Variants in MCM5 observed in about 807,000 individuals in gnomAD.
MCM5 encodes the protein DNA replication licensing factor MCM5.
MCM5 carries 46 observed loss-of-function variants against 79.9 expected under a neutral mutation model. The ratio of observed to expected loss-of-function variants is 0.58; its 90% CI spans 0.45 to 0.74. MCM5 has a LOEUF of 0.74. MCM5 is among the 30% of genes least tolerant of loss of function. MCM5 has a pLI of 0.00. For missense variants in MCM5, 883 were observed against 1,017.0 expected, an observed-to-expected ratio of 0.87 and a Z score of 1.79; for synonymous variants, 404 against 390.5, an observed-to-expected ratio of 1.03 and a Z score of -0.41.
At chr22:35,437,539 C>G in the MCM5 span, among the ~76,000 whole-genome samples, 1 of 152,198 alleles carries the variant, frequency 6.6e-6, no homozygotes, top group Non-Finnish European at 1.5e-5. Context: ...GAAGGCAGTT[C>G]TGCTTTGTGA....
At chr22:35,444,778 C>A in the MCM5 span, among the ~76,000 whole-genome samples, 1 of 152,098 alleles carries the variant, frequency 6.6e-6, no homozygotes, top group Non-Finnish European at 1.5e-5. Context: ...CTTTGGGAGG[C>A]GGAGGTGGGA....
chr22:35,403,255 G>T lies in MCM5; in HGVS notation c.216G>T (p.Val72=). 6.2e-7 allele frequency: 1 copy of T among 1,614,154 alleles called. No individual in the cohort carries two copies. The highest frequency in any genetic ancestry group is 8.5e-7 in the Non-Finnish European group (1 of 1,180,026). The change falls in exon 3 of 17, where the codon GTG becomes GTT. Residue 72 remains valine (V), a synonymous_variant. Transcript: ENST00000216122. ...ACCTGGGGGAGTACTGGATTGAGGT[G>T]GAGATGGAGGATCTGGCCAGCTTTG... ...HYNLGEYWIE[V]EMEDLASFDE...
At chr22:35,433,453 G>C in the MCM5 span, among the ~76,000 whole-genome samples, 1 of 152,182 alleles carries the variant, frequency 6.6e-6, no homozygotes, top group Non-Finnish European at 1.5e-5. Flanking sequence ...TCTGTTAGGG[G>C]CTTCCCCTGG....
At chr22:35,454,429 C>T in the MCM5 span, among the ~76,000 whole-genome samples, 4 of 152,204 alleles carry the variant, frequency 2.6e-5, no homozygotes, top group South Asian at 2.1e-4. Context: ...CTGCAGCAGG[C>T]GGGGGCAGTA....
chr22:35,426,550 C>T (rs956058279), downstream of MCM5, among the ~76,000 whole-genome samples: 4 of 152,178 alleles, frequency 2.6e-5, no homozygotes, highest in African/African-American at 4.8e-5. Flanking sequence ...AGCTACAGGC[C>T]GCGACCCAGC....
chr22:35,423,704 T>A (rs1932750470), intron 16 of MCM5: 1 of 208,964 alleles, frequency 4.8e-6, no homozygotes, highest in Non-Finnish European at 9.5e-6. Context: ...TCTGGCTCAC[T>A]GAGGAGGGTA....
chr22:35,421,260 C>G (rs1932684323), intron 14 of MCM5, 58 bp from the exon 15 acceptor site: 1 of 1,563,306 alleles, frequency 6.4e-7, no homozygotes, highest in African/African-American at 1.3e-5. Flanking sequence ...AACGGGCTGG[C>G]TGGGGAGGAA....
intron 14 of MCM5, 46 bp from the exon 15 acceptor site, chr22:35,421,272 G>C: frequency 1.9e-6 from 3 of 1,586,866 alleles, no homozygotes; most frequent in Non-Finnish European, 2.6e-6. Flanking sequence ...GGGGAGGAAG[G>C]GAATAGCGGA....
chr22:35,405,020 A>ATTTT (rs35626347), intron 4 of MCM5, among the ~76,000 whole-genome samples: 2 of 114,332 alleles, frequency 1.7e-5, no homozygotes, highest in Admixed American at 9.5e-5. Flanking sequence ...CTAGAGGCCA[A>ATTTT]TTTTTTTTTT....
intron 16 of MCM5, 110 bp from the exon 17 acceptor site, chr22:35,424,044 T>G: frequency 1.5e-6 from 1 of 672,966 alleles, no homozygotes; most frequent in Non-Finnish European, 2.6e-6. Flanking sequence ...GTGGGCCCTT[T>G]AGGTCAAAGG....
At chr22:35,448,430 G>A in the MCM5 span, among the ~76,000 whole-genome samples, 1 of 151,972 alleles carries the variant, frequency 6.6e-6, no homozygotes, top group Non-Finnish European at 1.5e-5. Flanking sequence ...AGCAGCTGGA[G>A]TCATCTTCCC....
intron 2 of MCM5, among the ~76,000 whole-genome samples, chr22:35,402,455 T>C (rs1007955442): frequency 6.6e-6 from 1 of 151,718 alleles, no homozygotes; most frequent in African/African-American, 2.4e-5. Flanking sequence ...GTCCCCCAAG[T>C]AGCTAGGATT....
the MCM5 span, among the ~76,000 whole-genome samples, chr22:35,454,108 G>A: frequency 6.6e-6 from 1 of 152,000 alleles, no homozygotes; most frequent in Non-Finnish European, 1.5e-5. Flanking sequence ...AGAGAGAGAC[G>A]GCAGCATGTG....
the MCM5 span, among the ~76,000 whole-genome samples, chr22:35,441,704 A>G: frequency 1.4e-4 from 22 of 152,248 alleles, no homozygotes; most frequent in African/African-American, 5.1e-4. Context: ...TCAGTGGCTT[A>G]TCAGGGAAGG....
Position 35,416,717 on chromosome 22 carries a change from C to T in MCM5, c.1493C>T (p.Thr498Met), listed in dbSNP as rs755722300. The change falls in exon 12 of 17, where the codon ACG becomes ATG. Residue 498 changes from threonine (T) to methionine (M), a missense_variant. Around this residue, in one of 3 missense-constraint regions of MCM5, gnomAD observed 426 missense variants for 482.3 expected, o/e 0.88. Transcript: ENST00000216122. ...TCAGTGTTCGGCCGCTGGGATGAGA[C>T]GAAGGGGGAGGACAACATTGACTTC... Reference protein sequence around the residue: ...ANSVFGRWDETKGEDNIDFMP... With the variant: ...ANSVFGRWDEMKGEDNIDFMP... The T allele has an allele frequency of 5.0e-6, 8 of 1,613,974 alleles. No individual in the cohort carries two copies. The highest frequency in any genetic ancestry group is 1.3e-5 in the African/African-American group (1 of 74,898).
Position 35,412,533 on chromosome 22 carries a change from A to G in MCM5, c.943A>G (p.Ser315Gly). ...GSGRSFAGAV[S>G]PQEEEEFRRL... ...AGGCCGCAGCTTTGCTGGGGCCGTGAGCCCCCAGGAGGAGGAGGAGTTCCG... is the reference window on the plus strand; with the variant it reads ...AGGCCGCAGCTTTGCTGGGGCCGTGGGCCCCCAGGAGGAGGAGGAGTTCCG... The change falls in exon 8 of 17, where the codon AGC (serine) becomes GGC (glycine). Residue 315 changes from serine (S) to glycine (G), a missense_variant. Transcript: ENST00000216122. 5 of 1,565,760 alleles carry G rather than the reference A, an allele frequency of 3.2e-6. No individual in the cohort carries two copies. The highest frequency in any genetic ancestry group is 4.3e-6 in the Non-Finnish European group (5 of 1,154,100).
the MCM5 span, among the ~76,000 whole-genome samples, chr22:35,443,459 G>T: frequency 6.6e-6 from 1 of 152,188 alleles, no homozygotes; most frequent in Non-Finnish European, 1.5e-5. Context: ...AAAGTGCTGG[G>T]ATTACAGACA....
At chr22:35,428,800 G>C (rs575845631), downstream of MCM5, among the ~76,000 whole-genome samples, 7 of 151,702 alleles carry the variant, frequency 4.6e-5, no homozygotes, top group Non-Finnish European at 1.0e-4. Context: ...TTTAGAGACA[G>C]GGTTTCTCTG....
intron 2 of MCM5, among the ~76,000 whole-genome samples, chr22:35,402,688 C>G (rs775074782): frequency 6.6e-6 from 1 of 152,086 alleles, no homozygotes; most frequent in Non-Finnish European, 1.5e-5. Context: ...GGACTACAGG[C>G]GTATGCTACC....
Sources: allele counts gnomAD v4.1 joint callset (sites outside exome capture counted in the v4.1 genomes callset), GRCh38; gene constraint gnomAD v4.1.1; regional missense constraint gnomAD v4.1.1; transcripts MANE v1.5; gene names NCBI Gene and HGNC (gene_info 2026-07-23, HGNC 2026-07-21).